The following CNKSR3 variants were observed in gnomAD, a reference collection of about 807,000 sequenced individuals.
CNKSR3 encodes connector enhancer of kinase suppressor of ras 3.
A neutral mutation model predicts 67.7 loss-of-function variants in CNKSR3; 36 were observed. That is an observed-to-expected ratio of 0.53 (90% CI 0.41 to 0.70). The LOEUF (loss-of-function observed/expected upper bound fraction) is 0.70. Among genes scored for constraint, CNKSR3 ranks in the 30% least tolerant of loss-of-function variants. CNKSR3 has a pLI of 0.00. For synonymous variants in CNKSR3, 281 were observed against 271.4 expected, an observed-to-expected ratio of 1.04 and a Z score of -0.35; for missense variants, 630 against 695.2, an observed-to-expected ratio of 0.91 and a Z score of 1.05.
rs770366206 is a variant in CNKSR3 at position 154,430,564 on chromosome 6, T to C, written c.577A>G (p.Lys193Glu). Residue 193 changes from lysine (K) to glutamate (E), a missense_variant, in exon 6 of 13, where the codon AAA (lysine) becomes GAA (glutamate). Physicochemically the swap from Lys to Glu is moderately conservative, Grantham distance 56. This residue lies in a region of CNKSR3 where 133 missense variants were observed against 190.6 expected (regional missense o/e 0.70). Coordinates refer to ENST00000607772, the MANE Select transcript of CNKSR3 (RefSeq NM_173515.4). The stretch of plus-strand genomic sequence containing the variant: ...GGATCTGTGGTAGATCGGATTGTTT[T>C]GTCACAGATGCCATTTAAAACCTTG... ...VVKVLNGICD[K>E]TIRSTTDPVM... The C allele has an allele frequency of 1.9e-6, 3 of 1,611,750 alleles. No homozygotes were observed. The highest frequency in any genetic ancestry group is 4.5e-5 in the East Asian group (2 of 44,684).
intron 1 of CNKSR3, among the ~76,000 whole-genome samples, chr6:154,476,457 CAAA>C (rs11332561): frequency 2.3e-4 from 26 of 110,776 alleles, no homozygotes; most frequent in African/African-American, 3.8e-4. Flanking sequence ...AACTATGTCT[CAAA>C]AAAAAAAAAA....
Position 154,406,672 on chromosome 6 carries a change from A to G in CNKSR3, c.1370-20T>C, listed in dbSNP as rs762694755. 5 of 1,600,152 alleles carry G rather than the reference A, an allele frequency of 3.1e-6. No individual in the cohort carries two copies. The highest frequency in any genetic ancestry group is 3.4e-6 in the Non-Finnish European group (4 of 1,171,840). On this transcript the variant is annotated intron_variant, in intron 12 of 12. Coordinates refer to ENST00000607772, the MANE Select transcript of CNKSR3 (RefSeq NM_173515.4). ...CCTCCCCTGTTTCCAGACAAAGTCC[A>G]TTAAGTCACAATCCCAGCCGGGCGT... is the stretch of plus-strand genomic sequence containing the variant.
At chr6:154,486,229 A>G (rs1786662110) in intron 1 of CNKSR3, among the ~76,000 whole-genome samples, 2 of 151,764 alleles carry the variant, frequency 1.3e-5, no homozygotes, top group African/African-American at 2.4e-5. Context: ...GAACTCACTT[A>G]CCATCACCCC....
chr6:154,500,805 C>T (rs1450922787), intron 1 of CNKSR3, among the ~76,000 whole-genome samples: 3 of 152,144 alleles, frequency 2.0e-5, no homozygotes, highest in Non-Finnish European at 4.4e-5. Context: ...CTTATTGATT[C>T]GCATTCTAAG....
At chr6:154,426,519 T>C (rs7768180) in intron 7 of CNKSR3, among the ~76,000 whole-genome samples, 147,067 of 152,100 alleles carry the variant, frequency 0.97, 71,130 homozygotes, top group East Asian at 1. Flanking sequence ...CCACGCCCAG[T>C]TAATATTTTG....
chr6:154,453,256 G>A (rs1288238424), intron 1 of CNKSR3, among the ~76,000 whole-genome samples: 2 of 152,118 alleles, frequency 1.3e-5, no homozygotes, highest in Admixed American at 6.6e-5. Flanking sequence ...CTCTTTTAAC[G>A]AACCGAAAAA....
At chr6:154,469,652 G>T (rs1786280318) in intron 1 of CNKSR3, among the ~76,000 whole-genome samples, 1 of 152,126 alleles carries the variant, frequency 6.6e-6, no homozygotes, top group Non-Finnish European at 1.5e-5. Flanking sequence ...TGTAATTCAT[G>T]TACCATAAAA....
chr6:154,406,592 C>T lies in CNKSR3; in HGVS notation c.1430G>A (p.Ser477Asn). 1 of 1,614,226 alleles carries T rather than the reference C, an allele frequency of 6.2e-7. No homozygotes were observed. Among genetic ancestry groups the T allele is most frequent in the African/African-American group, 1.3e-5 (1 of 75,054 alleles). The stretch of plus-strand genomic sequence containing the variant: ...GGAGAACCGGTATGGGGGAGAGGAG[C>T]TCTCTTCAATGATCGGAGGAATCCG... ...NERIPPIIEE[S>N]SSPPYRFSRP... The change falls in exon 13 of 13, where the codon AGC (serine) becomes AAC (asparagine). Residue 477 changes from serine (S) to asparagine (N), a missense_variant. Ser to Asn is a conservative substitution (Grantham distance 46, BLOSUM62 1). Transcript: ENST00000607772.
chr6:154,490,452 C>A (rs1786763181), intron 1 of CNKSR3, among the ~76,000 whole-genome samples: 1 of 152,124 alleles, frequency 6.6e-6, no homozygotes, highest in African/African-American at 2.4e-5. Flanking sequence ...ATATAATATG[C>A]ATATGTATCC....
intron 1 of CNKSR3, among the ~76,000 whole-genome samples, chr6:154,463,537 C>T (rs1786129901): frequency 6.6e-6 from 1 of 152,164 alleles, no homozygotes; most frequent in South Asian, 2.1e-4. Flanking sequence ...AAAATTCCCA[C>T]AAGTTTGCTA....
intron 1 of CNKSR3, among the ~76,000 whole-genome samples, chr6:154,470,441 C>T (rs1034756773): frequency 6.6e-6 from 1 of 152,094 alleles, no homozygotes; most frequent in African/African-American, 2.4e-5. Flanking sequence ...TCAGGAACTC[C>T]ACCTGCCTTG....
At chr6:154,421,715 C>T (rs1271595711) in intron 9 of CNKSR3, among the ~76,000 whole-genome samples, 1 of 152,188 alleles carries the variant, frequency 6.6e-6, no homozygotes, top group African/African-American at 2.4e-5. Flanking sequence ...ATGGGGTGGG[C>T]TGCACTCACC....
At chr6:154,429,588 T>C (rs550964767) in intron 6 of CNKSR3, among the ~76,000 whole-genome samples, 9 of 152,328 alleles carry the variant, frequency 5.9e-5, no homozygotes, top group African/African-American at 1.7e-4. Flanking sequence ...AGTACCAATA[T>C]GCATTTTTCT....
At position 154,395,556 on chromosome 6, in the gene CNKSR3, G is replaced by A. The variant is rs1032789008; in HGVS notation, c.*10798C>T. 2.0e-5 allele frequency: 3 copies of A among 152,176 alleles called. No homozygotes were observed. The highest frequency in any genetic ancestry group is 2.4e-5 in the African/African-American group (1 of 41,442). 9.4% of individuals were successfully genotyped at this position (152,176 alleles called of 1,614,324 possible). ...CATCACAGACTCAGATGAGCCCTAT[G>A]TAGCAATATGCAAAGGACATTACTT... is the stretch of plus-strand genomic sequence containing the variant. On this transcript the variant is annotated 3_prime_UTR_variant, in exon 13 of 13. Transcript: ENST00000607772.
intron 3 of CNKSR3, among the ~76,000 whole-genome samples, chr6:154,441,738 AT>A (rs1410889301): frequency 2.1e-5 from 3 of 140,286 alleles, no homozygotes; most frequent in Admixed American, 7.2e-5. Flanking sequence ...GAAGGAATAG[AT>A]TAAAAACAAA....
chr6:154,499,939 GT>G (rs1050106737), intron 1 of CNKSR3, among the ~76,000 whole-genome samples: 2 of 152,122 alleles, frequency 1.3e-5, no homozygotes, highest in Non-Finnish European at 2.9e-5. Flanking sequence ...GAGTATTTAT[GT>G]TTTTTTAAAT....
At chr6:154,454,188 G>T (rs6557353) in intron 1 of CNKSR3, among the ~76,000 whole-genome samples, 1 of 150,030 alleles carries the variant, frequency 6.7e-6, no homozygotes, top group African/African-American at 2.5e-5. Context: ...CTTACTGACC[G>T]GGTAACCTGG....
At chr6:154,413,415 G>A (rs1233730912) in intron 10 of CNKSR3, among the ~76,000 whole-genome samples, 2 of 151,998 alleles carry the variant, frequency 1.3e-5, no homozygotes, top group Non-Finnish European at 2.9e-5. Flanking sequence ...ATTTTTTGTA[G>A]AGATGGGGCC....
chr6:154,467,103 C>T (rs114289321), intron 1 of CNKSR3, among the ~76,000 whole-genome samples: 1,938 of 152,204 alleles, frequency 0.013, 32 homozygotes, highest in South Asian at 0.035. Flanking sequence ...ATGGCCTCCA[C>T]AGCCATTCCC....
Sources: allele counts gnomAD v4.1 joint callset (sites outside exome capture counted in the v4.1 genomes callset), GRCh38; gene constraint gnomAD v4.1.1; regional missense constraint gnomAD v4.1.1; transcripts MANE v1.5; gene names NCBI Gene and HGNC (gene_info 2026-07-23, HGNC 2026-07-21).